Variants in GRM7 observed in about 807,000 individuals in gnomAD.
GRM7 encodes the protein glutamate metabotropic receptor 7, also known as metabotropic glutamate receptor 7.
A neutral mutation model predicts 84.5 loss-of-function variants in GRM7; 35 were observed. The observed-to-expected ratio is 0.41, with a 90% CI of 0.32 to 0.55. GRM7 has a LOEUF of 0.55. GRM7 is among the 20% of genes least tolerant of loss of function. GRM7 has a pLI of 0.19. For synonymous variants in GRM7, 487 were observed against 455.1 expected, an observed-to-expected ratio of 1.07 and a Z score of -0.89; for missense variants, 1,003 against 1,194.6, an observed-to-expected ratio of 0.84 and a Z score of 2.36.
At chr3:7,716,307 A>G (rs988952672) in intron 9 of GRM7, among the ~76,000 whole-genome samples, 2 of 152,170 alleles carry the variant, frequency 1.3e-5, no homozygotes, top group East Asian at 3.9e-4. Context: ...CTCGTTCCAT[A>G]ACTAACTTGT....
intron 8 of GRM7, among the ~76,000 whole-genome samples, chr3:7,635,366 C>T (rs552983955): frequency 2.6e-5 from 4 of 152,306 alleles, no homozygotes; most frequent in African/African-American, 9.6e-5. Context: ...GCAAGTAGAA[C>T]TTGAGGGATG....
At chr3:7,610,858 G>A (rs976084196) in intron 8 of GRM7, among the ~76,000 whole-genome samples, 4 of 152,204 alleles carry the variant, frequency 2.6e-5, no homozygotes, top group Non-Finnish European at 5.9e-5. Flanking sequence ...CCAACAGGAT[G>A]TGGTTAGCGA....
intron 4 of GRM7, among the ~76,000 whole-genome samples, chr3:7,380,546 A>G (rs1412560791): frequency 1.3e-5 from 2 of 152,212 alleles, no homozygotes; most frequent in African/African-American, 2.4e-5. Flanking sequence ...GATTGAGCAC[A>G]TATTAGCAGT....
chr3:7,428,886 C>T (rs915428329), intron 5 of GRM7, among the ~76,000 whole-genome samples: 31 of 152,226 alleles, frequency 2.0e-4, no homozygotes, highest in South Asian at 1.2e-3. Flanking sequence ...CCAGTGACTT[C>T]GTATCCTATC....
intron 1 of GRM7, among the ~76,000 whole-genome samples, chr3:6,906,826 T>C (rs1235328555): frequency 6.6e-6 from 1 of 152,212 alleles, no homozygotes. Context: ...TCTCTAAATA[T>C]AAATTAAATT....
intron 1 of GRM7, among the ~76,000 whole-genome samples, chr3:6,941,450 CAAGTT>C (rs933893266): frequency 2.6e-5 from 4 of 152,116 alleles, no homozygotes; most frequent in Non-Finnish European, 5.9e-5. Context: ...ATGAAAAAGT[CAAGTT>C]AGGTTGGTGC....
Position 6,877,491 on chromosome 3 carries a change from G to A in GRM7, c.519+15584G>A, listed in dbSNP as rs1695352226. ...AACCTGCAGCTACCTGCCATCCCCT[G>A]CTACTCCTGCTTTTACATGCCAAGC... is the stretch of plus-strand genomic sequence containing the variant. On this transcript the variant is annotated intron_variant, in intron 1 of 9. Transcript: ENST00000357716. Among the ~76,000 whole-genome samples, 4 of 152,244 alleles carry A rather than the reference G, an allele frequency of 2.6e-5. No individual in the cohort carries two copies. The South Asian group carries it at 8.3e-4, about 32-fold the overall frequency.
rs188412033 is a variant in GRM7 at position 7,094,517 on chromosome 3, C to T, written c.520-51935C>T. Among the ~76,000 whole-genome samples the T allele has an allele frequency of 5.3e-5, 8 of 152,284 alleles. No homozygotes were observed. In the South Asian group the frequency reaches 6.2e-4, roughly 12 times the overall value. Reference sequence around the variant, plus strand: ...AAAAGTAAGTAACAGCAAAACTGGGCTTGAGATACGTTACCTACTGCCAGG... The same window carrying T: ...AAAAGTAAGTAACAGCAAAACTGGGTTTGAGATACGTTACCTACTGCCAGG... On this transcript the variant is annotated intron_variant, in intron 1 of 9. Transcript: ENST00000357716.
At chr3:6,971,155 G>A (rs6796324) in intron 1 of GRM7, among the ~76,000 whole-genome samples, 17,025 of 149,796 alleles carry the variant, frequency 0.11, 1,162 homozygotes, top group South Asian at 0.18. Flanking sequence ...AAGTAAAACT[G>A]CAGCAAAGAT....
chr3:7,059,637 C>T (rs1266073632), intron 1 of GRM7, among the ~76,000 whole-genome samples: 2 of 151,656 alleles, frequency 1.3e-5, no homozygotes, highest in Non-Finnish European at 2.9e-5. Context: ...ATGTTATTAT[C>T]TTAACCCTAT....
chr3:7,117,754 C>G (rs1220109897), intron 1 of GRM7, among the ~76,000 whole-genome samples: 1 of 152,186 alleles, frequency 6.6e-6, no homozygotes, highest in Non-Finnish European at 1.5e-5. Flanking sequence ...TCAATCGAGG[C>G]CTCCGTGTCA....
chr3:6,959,201 A>C (rs1341790443), intron 1 of GRM7, among the ~76,000 whole-genome samples: 1 of 152,180 alleles, frequency 6.6e-6, no homozygotes, highest in Non-Finnish European at 1.5e-5. Flanking sequence ...TTTACAGAGG[A>C]AGAAAGGAAA....
intron 1 of GRM7, among the ~76,000 whole-genome samples, chr3:6,929,165 G>T (rs1403556205): frequency 2.0e-5 from 3 of 152,180 alleles, no homozygotes. Context: ...AGTTGACGGA[G>T]GTGTGAGAAA....
At chr3:7,184,108 T>A (rs1695435126) in intron 2 of GRM7, among the ~76,000 whole-genome samples, 1 of 152,010 alleles carries the variant, frequency 6.6e-6, no homozygotes, top group South Asian at 2.1e-4. Context: ...AAAGAGAGTG[T>A]GAATAGGCAG....
In GRM7 at chr3:7,100,133, G is replaced by A. The variant is rs1699061151; in HGVS notation, c.520-46319G>A. On this transcript the variant is annotated intron_variant, in intron 1 of 9. Transcript: ENST00000357716. The stretch of plus-strand genomic sequence containing the variant: ...AAATCTTCGAAGTAGATTTGAAAGT[G>A]CAATAGAAAAATGGCACAGAAACAA... Among the ~76,000 whole-genome samples the A allele has an allele frequency of 2.6e-5, 4 of 151,342 alleles. No individual in the cohort carries two copies. The Admixed American group carries it at 2.6e-4, about 10-fold the overall frequency.
Position 7,149,749 on chromosome 3 carries a change from A to C in GRM7, c.736+3081A>C, listed in dbSNP as rs559819722. On this transcript the variant is annotated intron_variant, in intron 2 of 9. Transcript: ENST00000357716. The stretch of plus-strand genomic sequence containing the variant: ...CTAAACTTCCTCATAGAAAGAATGA[A>C]ATTAATGATTTCTGCTTCACCAGAT... 2.0e-5 allele frequency among the ~76,000 whole-genome samples: 3 copies of C among 152,322 alleles called. No individual in the cohort carries two copies. The South Asian group carries it at 6.2e-4, about 32-fold the overall frequency.
intron 1 of GRM7, among the ~76,000 whole-genome samples, chr3:6,909,788 T>C (rs943174968): frequency 6.6e-6 from 1 of 152,098 alleles, no homozygotes; most frequent in Non-Finnish European, 1.5e-5. Flanking sequence ...TTGATTTCAA[T>C]TGGGACACAA....
intron 1 of GRM7, among the ~76,000 whole-genome samples, chr3:7,064,403 A>T (rs2124973967): frequency 6.8e-6 from 1 of 147,432 alleles, no homozygotes; most frequent in Non-Finnish European, 1.5e-5. Flanking sequence ...GTCGCTGCAA[A>T]TGCTGTTAAA....
rs1020990485 is a variant in GRM7 at position 7,380,844 on chromosome 3, T to G, written c.1034-34179T>G. Among the ~76,000 whole-genome samples, 2 of 152,192 alleles carry G rather than the reference T, an allele frequency of 1.3e-5. 1 individual carries two copies. Among genetic ancestry groups the G allele is most frequent in the South Asian group, 4.1e-4 (2 of 4,832 alleles). On this transcript the variant is annotated intron_variant, in intron 4 of 9. Coordinates refer to ENST00000357716, the MANE Select transcript of GRM7 (RefSeq NM_000844.4). ...ACTGCTTAGCCAAATCAATTTCTGC[T>G]CCTCTGTTTACATATTCCTTCCAGT...
Sources: allele counts gnomAD v4.1 joint callset (sites outside exome capture counted in the v4.1 genomes callset), GRCh38; gene constraint gnomAD v4.1.1; transcripts MANE v1.5; gene names NCBI Gene and HGNC (gene_info 2026-07-23, HGNC 2026-07-21).